UGT1A8: variants seen among roughly 807,000 people sequenced by gnomAD.
The protein encoded by UGT1A8 is UDP glucuronosyltransferase family 1 member A8, also known as UDP-glucuronosyltransferase 1A8.
UGT1A8 carries 39 observed loss-of-function variants against 45.3 expected under a neutral mutation model. The observed-to-expected ratio is 0.86, with a 90% confidence interval of 0.67 to 1.12. The LOEUF (loss-of-function observed/expected upper bound fraction) is 1.12. Among genes scored for constraint, UGT1A8 ranks in the 50% most tolerant of loss-of-function variants. UGT1A8 has a pLI of 0.00. For missense variants in UGT1A8, 719 were observed against 664.9 expected (o/e 1.08, Z -0.90); for synonymous variants, 275 against 249.2 (o/e 1.10, Z -0.97).
rs371916153 is a variant in UGT1A8, at chr2:233,743,676, T to C, written c.856-23358T>C. On this transcript the variant is annotated intron_variant, in intron 1 of 4. Coordinates refer to ENST00000373450, the MANE Select transcript of UGT1A8 (RefSeq NM_019076.5). Reference sequence around the variant, plus strand: ...TACTCGAAGGGGTCCTCGAAGGGCCTGCCGCCTGTGCAGCCGCCCTCCGCC... The same window carrying C: ...TACTCGAAGGGGTCCTCGAAGGGCCCGCCGCCTGTGCAGCCGCCCTCCGCC... 1.7e-5 allele frequency: 23 copies of C among 1,367,108 alleles called. No homozygotes were observed. In the African/African-American group the frequency reaches 3.1e-4, roughly 19 times the overall value. The allele number at this position is 1,367,108 out of a possible 1,614,324, so 84.7% of individuals were successfully genotyped here. A position where few individuals can be genotyped will look rare whatever the true frequency, so the allele number is the denominator to read the frequency against.
At chr2:233,704,682 G>A (rs966560618) in intron 1 of UGT1A8, among the ~76,000 whole-genome samples, 2 of 152,060 alleles carry the variant, frequency 1.3e-5, no homozygotes, top group Non-Finnish European at 2.9e-5. Flanking sequence ...ATGGATCTGA[G>A]TTACCTTATG....
chr2:233,720,402 G>T (rs569897948), intron 1 of UGT1A8, among the ~76,000 whole-genome samples: 13 of 152,218 alleles, frequency 8.5e-5, no homozygotes, highest in African/African-American at 3.1e-4. Context: ...TCAAGAGTGG[G>T]TGGAAGGGAC....
At chr2:233,690,801 C>T (rs1206696679) in intron 1 of UGT1A8, 10 of 1,103,586 alleles carry the variant, frequency 9.1e-6, no homozygotes, top group Non-Finnish European at 1.1e-5. Flanking sequence ...ACACACACAC[C>T]ATTCTTAGTA....
intron 1 of UGT1A8, among the ~76,000 whole-genome samples, chr2:233,741,240 A>G (rs530886202): frequency 6.6e-6 from 1 of 152,014 alleles, no homozygotes; most frequent in East Asian, 1.9e-4. Flanking sequence ...CCTCTGAGTG[A>G]CACTGGTATG....
chr2:233,760,317 A>T, intron 1 of UGT1A8: 5 of 1,614,016 alleles, frequency 3.1e-6, no homozygotes, highest in Non-Finnish European at 4.2e-6. Context: ...GCGGACGCCC[A>T]CTTGTCCTGG....
chr2:233,719,172 A>G, intron 1 of UGT1A8: 2 of 1,614,250 alleles, frequency 1.2e-6, no homozygotes, highest in Non-Finnish European at 1.7e-6. Flanking sequence ...GGCAATTATG[A>G]ACAATGTATC....
chr2:233,635,819 A>C (rs1419056564), intron 1 of UGT1A8, among the ~76,000 whole-genome samples: 1 of 150,980 alleles, frequency 6.6e-6, no homozygotes, highest in Non-Finnish European at 1.5e-5. Flanking sequence ...GAGTGTTCGC[A>C]CAAGGACTGG....
intron 1 of UGT1A8, chr2:233,717,750 C>A (rs1480430133): frequency 6.6e-6 from 3 of 456,544 alleles, no homozygotes; most frequent in East Asian, 1.4e-4. Context: ...AGGGTCTCCC[C>A]CTAGAAAGGC....
intron 1 of UGT1A8, chr2:233,693,300 T>C: frequency 1.2e-6 from 2 of 1,614,182 alleles, no homozygotes; most frequent in African/African-American, 2.7e-5. Context: ...AACAATCACT[T>C]TGCTGAGCGA....
chr2:233,657,356 G>T (rs2073877665), intron 1 of UGT1A8, among the ~76,000 whole-genome samples: 1 of 152,154 alleles, frequency 6.6e-6, no homozygotes, highest in African/African-American at 2.4e-5. Flanking sequence ...AAGAATCATG[G>T]TACCAACATC....
chr2:233,768,093 C>G (rs1004945846), intron 3 of UGT1A8, 127 bp from the exon 4 acceptor site: 31 of 1,591,334 alleles, frequency 1.9e-5, no homozygotes, highest in Non-Finnish European at 2.5e-5. Context: ...CCCACATTTT[C>G]TTCTGCAAAT....
intron 1 of UGT1A8, among the ~76,000 whole-genome samples, chr2:233,632,015 G>C (rs1227582145): frequency 6.6e-6 from 1 of 152,092 alleles, no homozygotes; most frequent in Non-Finnish European, 1.5e-5. Flanking sequence ...TTTTGTATAA[G>C]GTGTAAGGAA....
chr2:233,690,318 G>A (rs747863632), intron 1 of UGT1A8, among the ~76,000 whole-genome samples: 2 of 152,128 alleles, frequency 1.3e-5, no homozygotes, highest in South Asian at 2.1e-4. Context: ...CTTATGGGTC[G>A]TAGGTCATAC....
Position 233,688,853 on chromosome 2 carries a change from C to A in UGT1A8, c.855+70291C>A, listed in dbSNP as rs140817326. Among the ~76,000 whole-genome samples the A allele has an allele frequency of 5.9e-3, 898 of 152,136 alleles. 8 individuals carry two copies. The highest frequency in any genetic ancestry group is 9.7e-3 in the Non-Finnish European group (660 of 67,998). ...AGAAAAGGATGTAAAGAGAGCTGAT[C>A]ATAGGGGGCCTTGCAGGATAAGGAG... On this transcript the variant is annotated intron_variant, in intron 1 of 4. Transcript: ENST00000373450.
chr2:233,668,739 T>C (rs2074125570), intron 1 of UGT1A8, among the ~76,000 whole-genome samples: 1 of 152,218 alleles, frequency 6.6e-6, no homozygotes, highest in Non-Finnish European at 1.5e-5. Context: ...CACAACTCAT[T>C]AATCAACACT....
At chr2:233,768,057 G>A in intron 3 of UGT1A8, 121 bp downstream of exon 3, 2 of 1,602,426 alleles carry the variant, frequency 1.2e-6, no homozygotes, top group Non-Finnish European at 1.7e-6. Flanking sequence ...ATCCTACATT[G>A]CTTTTTATCT....
In UGT1A8 at chr2:233,667,116, G is replaced by T. The variant is rs566336039; in HGVS notation, c.855+48554G>T. On this transcript the variant is annotated intron_variant, in intron 1 of 4. Coordinates refer to ENST00000373450, the MANE Select transcript of UGT1A8 (RefSeq NM_019076.5). The stretch of plus-strand genomic sequence containing the variant: ...ATAGTGCTGCAATAAACATACGTGT[G>T]CATGTGTCTTTATAGCAGCATGTTT... Among the ~76,000 whole-genome samples, 10 of 152,278 alleles carry T rather than the reference G, an allele frequency of 6.6e-5. No individual in the cohort carries two copies. In the East Asian group the frequency reaches 1.9e-3, roughly 29 times the overall value.
At chr2:233,684,059 G>A (rs1039720910) in intron 1 of UGT1A8, among the ~76,000 whole-genome samples, 1 of 152,114 alleles carries the variant, frequency 6.6e-6, no homozygotes, top group African/African-American at 2.4e-5. Flanking sequence ...CCTGGTGTCT[G>A]ATCTAAGTAT....
rs1319790533 is a variant in UGT1A8, at chr2:233,635,528, C to A, written c.855+16966C>A. 1.3e-5 allele frequency among the ~76,000 whole-genome samples: 2 copies of A among 150,800 alleles called. 1 individual carries two copies. The highest frequency in any genetic ancestry group is 4.9e-5 in the African/African-American group (2 of 40,722). The stretch of plus-strand genomic sequence containing the variant: ...CAGTGCCAAGCCATTCATGAGGGAT[C>A]CATGCCCATGACCCAAACACCTCCC... On this transcript the variant is annotated intron_variant, in intron 1 of 4. Transcript: ENST00000373450.
Sources: gnomAD v4.1 joint callset for allele counts (sites outside exome capture counted in the v4.1 genomes callset) on GRCh38, gnomAD v4.1.1 for gene constraint, MANE v1.5 for transcripts, NCBI Gene and HGNC (gene_info 2026-07-23, HGNC 2026-07-21) for gene names.